The following NRXN1 variants were observed in gnomAD, a reference collection of about 807,000 sequenced individuals.
NRXN1 encodes the protein neurexin 1, also known as neurexin-1.
A neutral mutation model predicts 150.9 loss-of-function variants in NRXN1; 39 were observed. The observed-to-expected ratio is 0.26, with a 90% CI of 0.20 to 0.34. NRXN1 has a LOEUF of 0.34. Among genes scored for constraint, NRXN1 ranks in the 10% least tolerant of loss-of-function variants. The pLI is 1.00. For synonymous variants in NRXN1, 924 were observed against 757.0 expected, an observed-to-expected ratio of 1.22 and a Z score of -3.62; for missense variants, 1,815 against 1,949.9, an observed-to-expected ratio of 0.93 and a Z score of 1.30.
At chr2:50,506,885 C>A (rs1289434438) in intron 12 of NRXN1, 1 of 391,758 alleles carries the variant, frequency 2.6e-6, no homozygotes, top group Non-Finnish European at 4.7e-6. Context: ...ATCTTTAATC[C>A]TACGCATTGA....
intron 5 of NRXN1, among the ~76,000 whole-genome samples, chr2:50,819,381 A>T (rs1422522083): frequency 6.6e-6 from 1 of 152,174 alleles, no homozygotes; most frequent in East Asian, 1.9e-4. Flanking sequence ...TATATGCTAC[A>T]ACATAAACCT....
At chr2:50,582,595 T>C (rs896886226) in intron 8 of NRXN1, among the ~76,000 whole-genome samples, 3 of 148,618 alleles carry the variant, frequency 2.0e-5, no homozygotes, top group African/African-American at 7.5e-5. Flanking sequence ...GGGAAGCCAC[T>C]AGCAAAACTA....
At chr2:50,824,279 T>C (rs951020612) in intron 5 of NRXN1, among the ~76,000 whole-genome samples, 4 of 151,436 alleles carry the variant, frequency 2.6e-5, no homozygotes, top group African/African-American at 4.8e-5. Flanking sequence ...AGTATTATTA[T>C]TGCTACAATT....
At chr2:50,558,916 A>G (rs1245209813) in intron 8 of NRXN1, among the ~76,000 whole-genome samples, 1 of 152,096 alleles carries the variant, frequency 6.6e-6, no homozygotes, top group East Asian at 1.9e-4. Flanking sequence ...CCCTATCTCT[A>G]CTAAAAATAC....
chr2:50,516,581 A>G (rs2092636920), intron 12 of NRXN1, among the ~76,000 whole-genome samples: 1 of 152,172 alleles, frequency 6.6e-6, no homozygotes, highest in Admixed American at 6.5e-5. Context: ...GGTGCCAATC[A>G]TGAACTGGGC....
chr2:50,091,978 C>G (rs1377280781), intron 18 of NRXN1, among the ~76,000 whole-genome samples: 1 of 152,132 alleles, frequency 6.6e-6, no homozygotes, highest in African/African-American at 2.4e-5. Context: ...AGTGCAGTCC[C>G]TTAGTCAGTA....
At chr2:50,176,802 T>G (rs919917433) in intron 18 of NRXN1, among the ~76,000 whole-genome samples, 2 of 152,102 alleles carry the variant, frequency 1.3e-5, no homozygotes, top group Admixed American at 1.3e-4. Context: ...AAATCACTGC[T>G]CTGGCTTGCT....
At chr2:50,763,641 A>C (rs1038864397) in intron 5 of NRXN1, among the ~76,000 whole-genome samples, 1 of 151,948 alleles carries the variant, frequency 6.6e-6, no homozygotes, top group Non-Finnish European at 1.5e-5. Flanking sequence ...AGGTGAAAGG[A>C]AGATGGTCAG....
At position 50,336,097 on chromosome 2, in the gene NRXN1, G is replaced by C. The variant is rs141709847; in HGVS notation, c.3365-99127C>G. ...ACTGCCCAAGGTCAGATAGTTAGTAGACGCAATGAGAATTATAAGAGTAAT... is the reference window on the plus strand; with the variant it reads ...ACTGCCCAAGGTCAGATAGTTAGTACACGCAATGAGAATTATAAGAGTAAT... On this transcript the variant is annotated intron_variant, in intron 17 of 22. Coordinates refer to ENST00000401669, the MANE Select transcript of NRXN1 (RefSeq NM_001330078.2). 1.5e-3 allele frequency among the ~76,000 whole-genome samples: 224 copies of C among 152,298 alleles called. 1 individual carries two copies. The highest frequency in any genetic ancestry group is 5.1e-3 in the African/African-American group (214 of 41,584).
At chr2:50,669,885 G>A (rs928347597) in intron 5 of NRXN1, among the ~76,000 whole-genome samples, 3 of 150,192 alleles carry the variant, frequency 2.0e-5, no homozygotes, top group East Asian at 2.0e-4. Flanking sequence ...CAAAAAAAAC[G>A]GAATTAATCA....
intron 21 of NRXN1, among the ~76,000 whole-genome samples, chr2:50,006,703 T>G (rs1186374405): frequency 6.6e-6 from 1 of 152,170 alleles, no homozygotes; most frequent in Non-Finnish European, 1.5e-5. Flanking sequence ...TTTAGATTTT[T>G]TTGCTCCTAG....
At position 50,053,270 on chromosome 2, in the gene NRXN1, C is replaced by G; in HGVS notation, c.4128+1G>C. ...TGAAGGAATAAAATCCACAGGCTCA[C>G]CTGGCTAATGGGTTCTTTTGTCGGG... is the stretch of plus-strand genomic sequence containing the variant. On this transcript the variant is annotated splice_donor_variant, in intron 21 of 22. Coordinates refer to ENST00000401669, the MANE Select transcript of NRXN1 (RefSeq NM_001330078.2). LOFTEE classifies it high-confidence loss of function. 6.2e-7 allele frequency: 1 copy of G among 1,613,864 alleles called. No homozygotes were observed. The highest frequency in any genetic ancestry group is 8.5e-7 in the Non-Finnish European group (1 of 1,179,834).
intron 17 of NRXN1, among the ~76,000 whole-genome samples, chr2:50,319,416 A>C (rs1046041585): frequency 2.0e-5 from 3 of 152,108 alleles, no homozygotes; most frequent in Non-Finnish European, 4.4e-5. Flanking sequence ...TTTATCTCCA[A>C]AATGTCTGAA....
At chr2:51,002,690 T>C (rs927445989) in intron 2 of NRXN1, among the ~76,000 whole-genome samples, 1 of 151,898 alleles carries the variant, frequency 6.6e-6, no homozygotes, top group East Asian at 1.9e-4. Context: ...AAATATTACA[T>C]CATACATGCA....
intron 18 of NRXN1, among the ~76,000 whole-genome samples, chr2:50,092,896 A>T (rs534207862): frequency 2.6e-5 from 4 of 152,042 alleles, no homozygotes; most frequent in Non-Finnish European, 5.9e-5. Flanking sequence ...GGCTTGACGG[A>T]TGGTTTAACT....
In NRXN1 at chr2:50,206,098, G is replaced by T. The variant is rs192045697; in HGVS notation, c.3546+30691C>A. Among the ~76,000 whole-genome samples the T allele has an allele frequency of 5.9e-3, 896 of 151,932 alleles. 3 individuals are homozygous for T. The highest frequency in any genetic ancestry group is 0.01 in the Non-Finnish European group (681 of 67,926). ...TATATCCTCATAAAACAAATGAAAA[G>T]TTCACCACCACCTCCCAAAGAAATA... On this transcript the variant is annotated intron_variant, in intron 18 of 22. Transcript: ENST00000401669.
intron 18 of NRXN1, among the ~76,000 whole-genome samples, chr2:50,102,611 A>T (rs1701121718): frequency 6.6e-6 from 1 of 152,060 alleles, no homozygotes. Context: ...TTACTGTAGC[A>T]TATACAGCAT....
intron 17 of NRXN1, among the ~76,000 whole-genome samples, chr2:50,386,937 C>T (rs931236341): frequency 6.6e-6 from 1 of 152,084 alleles, no homozygotes; most frequent in Non-Finnish European, 1.5e-5. Flanking sequence ...TCCATGAGAG[C>T]TAATACTATT....
intron 2 of NRXN1, among the ~76,000 whole-genome samples, chr2:51,006,408 G>C (rs989769379): frequency 6.6e-6 from 1 of 151,514 alleles, no homozygotes; most frequent in Non-Finnish European, 1.5e-5. Flanking sequence ...GGTGGGGGAA[G>C]GGGGGAGGGA....
Sources: gnomAD v4.1 joint callset for allele counts (sites outside exome capture counted in the v4.1 genomes callset) on GRCh38, gnomAD v4.1.1 for gene constraint, MANE v1.5 for transcripts, NCBI Gene and HGNC (gene_info 2026-07-23, HGNC 2026-07-21) for gene names.